Variants in SDS observed in about 807,000 individuals in gnomAD.
The protein encoded by SDS is serine dehydratase.
In SDS, 19 loss-of-function variants were observed where a neutral mutation model predicts 29.3. The observed-to-expected ratio is 0.65, with a 90% CI of 0.45 to 0.95. The LOEUF is 0.95. Ranked by LOEUF, SDS falls within the 40% of genes least tolerant of loss-of-function variation. The pLI is 0.00. For synonymous variants in SDS, 176 were observed against 189.0 expected (o/e 0.93, Z 0.56); for missense variants, 375 against 439.9 (o/e 0.85, Z 1.32).
At chr12:113,394,960 C>A (rs115352549) in intron 6 of SDS, among the ~76,000 whole-genome samples, 1 of 152,202 alleles carries the variant, frequency 6.6e-6, no homozygotes, top group East Asian at 1.9e-4. Context: ...TAGTAACAAG[C>A]GCCCTGAGTA....
chr12:113,403,212 G>A (rs566108151), intron 1 of SDS, among the ~76,000 whole-genome samples: 68 of 152,172 alleles, frequency 4.5e-4, no homozygotes, highest in Non-Finnish European at 7.9e-4. Flanking sequence ...CTGCAGACTC[G>A]ACCTCTTGGG....
chr12:113,397,020 C>T (rs1260810785), intron 6 of SDS, 145 bp downstream of exon 6: 8 of 710,700 alleles, frequency 1.1e-5, no homozygotes, highest in African/African-American at 3.5e-5. Context: ...GTACCACTCA[C>T]TGGACGTGGC....
rs1230990966 is a variant in SDS, at chr12:113,400,881, C to T, written c.-2-1171G>A. Among the ~76,000 whole-genome samples the T allele has an allele frequency of 2.0e-5, 3 of 151,674 alleles. No individual in the cohort carries two copies. The South Asian group carries it at 6.3e-4, about 32-fold the overall frequency. On this transcript the variant is annotated intron_variant, in intron 1 of 7. Transcript: ENST00000257549. ...ATTTAAAAAAAACCTGGGCTGGGCG[C>T]GGTGACTCACACCTGTAATCCCAGC...
intron 6 of SDS, among the ~76,000 whole-genome samples, chr12:113,394,843 C>T (rs928957691): frequency 2.6e-5 from 4 of 152,176 alleles, no homozygotes. Flanking sequence ...CCACATCCTG[C>T]TGTGTCCTTC....
intron 1 of SDS, among the ~76,000 whole-genome samples, chr12:113,400,972 T>C (rs1957681554): frequency 6.6e-6 from 1 of 152,026 alleles, no homozygotes. Context: ...GCTAACATGG[T>C]GAAACCCCGT....
chr12:113,396,018 G>C (rs1046890905), intron 6 of SDS, among the ~76,000 whole-genome samples: 8 of 152,208 alleles, frequency 5.3e-5, no homozygotes, highest in African/African-American at 1.9e-4. Context: ...AGAATCGCTT[G>C]AACTTGGGAG....
intron 1 of SDS, among the ~76,000 whole-genome samples, chr12:113,400,196 G>A (rs1593299100): frequency 6.6e-6 from 1 of 152,290 alleles, no homozygotes; most frequent in South Asian, 2.1e-4. Context: ...AGGAGGCTGA[G>A]GCAGGAGAAT....
intron 1 of SDS, among the ~76,000 whole-genome samples, chr12:113,402,786 A>T (rs920010666): frequency 6.6e-6 from 1 of 152,188 alleles, no homozygotes; most frequent in African/African-American, 2.4e-5. Context: ...CTTTCCGTGA[A>T]GTGAGCATCC....
In SDS at chr12:113,393,070, T is replaced by A. The variant is rs762078151; in HGVS notation, c.858A>T (p.Gln286His). 1 of 1,614,210 alleles carries A rather than the reference T, an allele frequency of 6.2e-7. No individual in the cohort carries two copies. Among genetic ancestry groups the A allele is most frequent in the Non-Finnish European group, 8.5e-7 (1 of 1,180,028 alleles). Residue 286 changes from glutamine (Q) to histidine (H), a missense_variant, in exon 8 of 8, where the codon CAA (glutamine) becomes CAT (histidine). Gln to His is a conservative substitution (Grantham distance 24). Coordinates refer to ENST00000257549, the MANE Select transcript of SDS (RefSeq NM_006843.3). ...AVYSHVIQKL[Q>H]LEGNLRTPLP... ...GCGGGGTTCGGAGATTCCCCTCCAG[T>A]TGGAGCTTCTGGATCACGTGGCTAT... is the stretch of plus-strand genomic sequence containing the variant.
chr12:113,399,334 G>A (rs963167177), intron 2 of SDS, 183 bp from the exon 3 acceptor site: 10 of 854,378 alleles, frequency 1.2e-5, no homozygotes, highest in Non-Finnish European at 1.8e-5. Flanking sequence ...AGGAAAGGGT[G>A]GAGGAAAATA....
intron 6 of SDS, among the ~76,000 whole-genome samples, chr12:113,396,478 T>G (rs200080736): frequency 0.086 from 4,474 of 51,754 alleles, 109 homozygotes; most frequent in Middle Eastern, 0.3. Context: ...TTTTTCTTTC[T>G]TTCTCTCTCT....
chr12:113,393,163 G>T lies in SDS; in HGVS notation c.779-14C>A. 2 of 1,612,480 alleles carry T rather than the reference G, an allele frequency of 1.2e-6. No individual in the cohort carries two copies. Among genetic ancestry groups the T allele is most frequent in the African/African-American group, 2.7e-5 (2 of 75,028 alleles). ...TCTTCTCATCATCTGCCAGAGAAGG[G>T]GCGTGACAGGGGCGTGGCCTGAGTT... On this transcript the variant is annotated splice_polypyrimidine_tract_variant and intron_variant, in intron 7 of 7. Coordinates refer to ENST00000257549, the MANE Select transcript of SDS (RefSeq NM_006843.3).
chr12:113,394,888 TC>T (rs1157830857), intron 6 of SDS, among the ~76,000 whole-genome samples: 2 of 152,010 alleles, frequency 1.3e-5, no homozygotes, highest in African/African-American at 4.8e-5. Context: ...CTCCAAGGAG[TC>T]CTCCTGGGAG....
At chr12:113,394,583 A>G (rs1593296997) in intron 6 of SDS, among the ~76,000 whole-genome samples, 1 of 150,428 alleles carries the variant, frequency 6.6e-6, no homozygotes, top group East Asian at 2.0e-4. Context: ...TAGGTGATCC[A>G]CCCCCCTCGG....
chr12:113,402,047 A>G (rs1215445972), intron 1 of SDS, among the ~76,000 whole-genome samples: 1 of 152,164 alleles, frequency 6.6e-6, no homozygotes, highest in Non-Finnish European at 1.5e-5. Flanking sequence ...TCCCTTGGTC[A>G]GAGGGAGAAT....
At chr12:113,396,339 TTTTTCCTTTCC>T (rs1176440989) in intron 6 of SDS, among the ~76,000 whole-genome samples, 5 of 150,500 alleles carry the variant, frequency 3.3e-5, no homozygotes, top group African/African-American at 9.8e-5. Context: ...CCTCCCTCCC[TTTTTCCTTTCC>T]TTTCCTTTCC....
At chr12:113,393,265 G>T in intron 7 of SDS, 116 bp from the exon 8 acceptor site, 1 of 997,446 alleles carries the variant, frequency 1.0e-6, no homozygotes, top group Non-Finnish European at 1.5e-6. Flanking sequence ...AGCCCTGGCT[G>T]CAGCCGCAGG....
chr12:113,400,365 C>T (rs1300503081), intron 1 of SDS, among the ~76,000 whole-genome samples: 3 of 151,614 alleles, frequency 2.0e-5, no homozygotes, highest in African/African-American at 7.3e-5. Flanking sequence ...CTCAGCTACT[C>T]AGGAGGCTGA....
chr12:113,401,477 C>T (rs766727830), intron 1 of SDS, among the ~76,000 whole-genome samples: 6 of 152,262 alleles, frequency 3.9e-5, no homozygotes, highest in Non-Finnish European at 5.9e-5. Flanking sequence ...AGCGTTCTGC[C>T]CACCTCAGCC....
Sources: allele counts gnomAD v4.1 joint callset (sites outside exome capture counted in the v4.1 genomes callset), GRCh38; gene constraint gnomAD v4.1.1; transcripts MANE v1.5; gene names NCBI Gene and HGNC (gene_info 2026-07-23, HGNC 2026-07-21).